DIP2B: variants seen among roughly 807,000 people sequenced by gnomAD.
The protein encoded by DIP2B is disco-interacting protein 2 homolog B.
Under a neutral mutation model 198.0 loss-of-function variants are expected in DIP2B, and 76 were observed. The observed-to-expected ratio is 0.38, with a 90% CI of 0.32 to 0.46. DIP2B has a LOEUF of 0.46. Ranked by LOEUF, DIP2B falls within the 20% of genes least tolerant of loss-of-function variation. The pLI is 0.99. For missense variants in DIP2B, 1,559 were observed against 1,978.4 expected (o/e 0.79, Z 4.02); for synonymous variants, 701 against 739.1 (o/e 0.95, Z 0.84).
intron 9 of DIP2B, among the ~76,000 whole-genome samples, chr12:50,681,841 C>T (rs951598583): frequency 1.3e-5 from 2 of 152,106 alleles, no homozygotes; most frequent in African/African-American, 4.8e-5. Context: ...GAACCCTAAG[C>T]AGGTGATTTT....
intron 1 of DIP2B, among the ~76,000 whole-genome samples, chr12:50,607,605 T>G (rs574075116): frequency 6.6e-6 from 1 of 152,304 alleles, no homozygotes; most frequent in South Asian, 2.1e-4. Context: ...TCGGCTAAGG[T>G]CAGGGTTTTT....
At chr12:50,637,833 A>G (rs900003523) in intron 2 of DIP2B, among the ~76,000 whole-genome samples, 5 of 152,198 alleles carry the variant, frequency 3.3e-5, no homozygotes, top group African/African-American at 9.7e-5. Context: ...GCTTCCTTCC[A>G]TCTTCCTGAG....
chr12:50,674,559 G>GC lies in DIP2B; in HGVS notation c.732dup (p.Ser245LeufsTer5), dbSNP rs1270852059. ...CAATTCGCCCAGCAAACATTGACCT[G>GC]CCCCCCTCGGGGATAGTTAAAGGCA... On this transcript the variant is annotated frameshift_variant, in exon 6 of 38. Transcript: ENST00000301180. LOFTEE classifies it high-confidence loss of function. The GC allele has an allele frequency of 5.6e-6, 9 of 1,614,148 alleles. No individual in the cohort carries two copies. The highest frequency in any genetic ancestry group is 7.6e-6 in the Non-Finnish European group (9 of 1,180,024).
At chr12:50,685,980 A>G (rs778166005) in intron 11 of DIP2B, 24 bp downstream of exon 11, 1 of 1,603,236 alleles carries the variant, frequency 6.2e-7, no homozygotes, top group Admixed American at 1.7e-5. Context: ...TACCTGAATT[A>G]TCAGTTAAAA....
intron 1 of DIP2B, among the ~76,000 whole-genome samples, chr12:50,555,300 T>C (rs1958460875): frequency 6.6e-6 from 1 of 152,148 alleles, no homozygotes; most frequent in Admixed American, 6.5e-5. Flanking sequence ...CCAGAGGGAA[T>C]TGGTTCTCCC....
intron 1 of DIP2B, among the ~76,000 whole-genome samples, chr12:50,611,304 C>T (rs1959029771): frequency 6.6e-6 from 1 of 152,138 alleles, no homozygotes; most frequent in Admixed American, 6.5e-5. Context: ...TAAAGGATAT[C>T]AGCTCTTGTA....
At chr12:50,645,790 G>A (rs1308138282) in intron 3 of DIP2B, among the ~76,000 whole-genome samples, 1 of 151,964 alleles carries the variant, frequency 6.6e-6, no homozygotes, top group African/African-American at 2.4e-5. Context: ...ATAAAGGCAA[G>A]ACAGTATGTA....
chr12:50,541,022 T>G (rs1958320548), intron 1 of DIP2B, among the ~76,000 whole-genome samples: 1 of 152,194 alleles, frequency 6.6e-6, no homozygotes, highest in Non-Finnish European at 1.5e-5. Flanking sequence ...ATGCACTTAG[T>G]TTTATATTCT....
chr12:50,714,422 G>T lies in DIP2B; in HGVS notation c.2677G>T (p.Val893Phe), dbSNP rs774693777. Residue 893 changes from valine to phenylalanine, a missense_variant, in exon 23 of 38, where the codon GTT becomes TTT. Val to Phe is a conservative substitution (Grantham distance 50). Coordinates refer to ENST00000301180, the MANE Select transcript of DIP2B (RefSeq NM_173602.3). ...QAIDSIHQVG[V>F]YCLALVPANT... ...GATCGATAGCATTCATCAAGTGGGG[G>T]TTTATTGTCTTGCTCTGGTGCCAGC... is the stretch of plus-strand genomic sequence containing the variant. 1 of 1,614,172 alleles carries T rather than the reference G, an allele frequency of 6.2e-7. No homozygotes were observed. Among genetic ancestry groups the T allele is most frequent in the South Asian group, 1.1e-5 (1 of 91,082 alleles).
intron 1 of DIP2B, among the ~76,000 whole-genome samples, chr12:50,530,498 C>T (rs550762293): frequency 6.6e-6 from 1 of 152,284 alleles, no homozygotes; most frequent in African/African-American, 2.4e-5. Context: ...TGTTGGAGAT[C>T]GCCTTAGAGG....
chr12:50,686,474 A>T, intron 11 of DIP2B, 99 bp from the exon 12 acceptor site: 1 of 965,582 alleles, frequency 1.0e-6, no homozygotes, highest in Non-Finnish European at 1.5e-6. Flanking sequence ...TTATAAAATG[A>T]TCTTAATTTG....
chr12:50,724,877 A>C lies in DIP2B; in HGVS notation c.3391A>C (p.Ile1131Leu). The C allele has an allele frequency of 6.2e-7, 1 of 1,614,144 alleles. No homozygotes were observed. The highest frequency in any genetic ancestry group is 8.5e-7 in the Non-Finnish European group (1 of 1,179,996). Residue 1131 changes from isoleucine (I) to leucine (L), a missense_variant, in exon 28 of 38, where the codon ATT becomes CTT. Ile to Leu is a conservative substitution (Grantham distance 5, BLOSUM62 2). Transcript: ENST00000301180. ...GGATGTGAAAACCTGGCCAACCATCATTGACACAGGTGAAAGGGAGACTTC... is the reference window on the plus strand; with the variant it reads ...GGATGTGAAAACCTGGCCAACCATCCTTGACACAGGTGAAAGGGAGACTTC... ...AVDVKTWPTIIDTDDLPRKRL... is the reference protein window; with the variant it reads ...AVDVKTWPTILDTDDLPRKRL...
At chr12:50,517,218 CA>C (rs903224955) in intron 1 of DIP2B, among the ~76,000 whole-genome samples, 1 of 151,618 alleles carries the variant, frequency 6.6e-6, no homozygotes, top group Non-Finnish European at 1.5e-5. Context: ...CGCACCCGAC[CA>C]AAAAATTTGT....
At chr12:50,733,706 C>T (rs1300409864) in intron 32 of DIP2B, among the ~76,000 whole-genome samples, 1 of 152,140 alleles carries the variant, frequency 6.6e-6, no homozygotes, top group African/African-American at 2.4e-5. Context: ...GACCCTGTCT[C>T]TTAAAAAAAT....
intron 1 of DIP2B, among the ~76,000 whole-genome samples, chr12:50,548,829 C>A (rs1308105288): frequency 6.6e-6 from 1 of 152,156 alleles, no homozygotes; most frequent in Non-Finnish European, 1.5e-5. Flanking sequence ...CTGGCCTTGG[C>A]CTGCACTTTT....
chr12:50,597,950 A>T (rs1322080142), intron 1 of DIP2B, among the ~76,000 whole-genome samples: 1 of 152,204 alleles, frequency 6.6e-6, no homozygotes, highest in Non-Finnish European at 1.5e-5. Context: ...ATGCAAACTT[A>T]GTGAGATAAA....
At chr12:50,511,291 A>ATTCTTTTTTTTTTTTT (rs1958013678) in intron 1 of DIP2B, among the ~76,000 whole-genome samples, 2 of 64,664 alleles carry the variant, frequency 3.1e-5, no homozygotes, top group African/African-American at 6.0e-5. Context: ...TGTGATTTCT[A>ATTCTTTTTTTTTTTTT]TTTTTTTTTT....
At chr12:50,711,135 G>A (rs1939606807) in intron 22 of DIP2B, among the ~76,000 whole-genome samples, 1 of 152,168 alleles carries the variant, frequency 6.6e-6, no homozygotes, top group African/African-American at 2.4e-5. Context: ...CCAAACTCTT[G>A]TGAAAGTCAC....
In DIP2B at chr12:50,704,220, G is replaced by C; in HGVS notation, c.2406G>C (p.Pro802=). Residue 802 remains proline, a splice_region_variant and synonymous_variant, in exon 20 of 38, where the codon CCG becomes CCC. Coordinates refer to ENST00000301180, the MANE Select transcript of DIP2B (RefSeq NM_173602.3). ...CAGGATTGCTGGGGTTTGTAGGGCC[G>C]GTAAGTGATGCTTTCATGTTGATTT... The part of the protein sequence containing the change: ...IRSGLLGFVG[P]GSLVFVVGKM... 6.2e-7 allele frequency: 1 copy of C among 1,608,456 alleles called. No individual in the cohort carries two copies. Among genetic ancestry groups the C allele is most frequent in the African/African-American group, 1.3e-5 (1 of 74,814 alleles).
Sources: gnomAD v4.1 joint callset for allele counts (sites outside exome capture counted in the v4.1 genomes callset) on GRCh38, gnomAD v4.1.1 for gene constraint, MANE v1.5 for transcripts, NCBI Gene and HGNC (gene_info 2026-07-23, HGNC 2026-07-21) for gene names.